POLD3: variants seen among roughly 807,000 people sequenced by gnomAD.
The protein encoded by POLD3 is DNA polymerase delta 3, accessory subunit, also known as DNA polymerase delta subunit 3.
A neutral mutation model predicts 58.2 loss-of-function variants in POLD3; 19 were observed. That is an observed-to-expected ratio of 0.33 (90% CI 0.23 to 0.48). POLD3 has a LOEUF of 0.48. Among genes scored for constraint, POLD3 ranks in the 20% least tolerant of loss-of-function variants. The pLI, the probability that POLD3 is intolerant of heterozygous loss-of-function variation, is 0.99. For synonymous variants in POLD3, 172 were observed against 193.5 expected, an observed-to-expected ratio of 0.89 and a Z score of 0.92; for missense variants, 504 against 545.5, an observed-to-expected ratio of 0.92 and a Z score of 0.76.
intron 2 of POLD3, among the ~76,000 whole-genome samples, chr11:74,597,550 T>A (rs1171732059): frequency 6.6e-6 from 1 of 152,214 alleles, no homozygotes; most frequent in Non-Finnish European, 1.5e-5. Flanking sequence ...AACTTCAGCC[T>A]CCCAGGCTCA....
chr11:74,603,800 T>C (rs1049737296), intron 2 of POLD3, among the ~76,000 whole-genome samples: 2 of 152,188 alleles, frequency 1.3e-5, no homozygotes, highest in African/African-American at 4.8e-5. Flanking sequence ...TTTAAATTTC[T>C]AGCTATGCTT....
intron 7 of POLD3, among the ~76,000 whole-genome samples, chr11:74,623,531 G>C (rs143907584): frequency 9.7e-4 from 148 of 152,206 alleles, no homozygotes; most frequent in African/African-American, 3.5e-3. Context: ...TTCTTTCTGG[G>C]GTGATGAAAA....
At chr11:74,634,505 T>A in intron 9 of POLD3, 78 bp from the exon 10 acceptor site, 1 of 805,554 alleles carries the variant, frequency 1.2e-6, no homozygotes, top group South Asian at 1.4e-5. Flanking sequence ...GACATGTCAA[T>A]TTAGAGAACC....
chr11:74,600,028 C>A (rs1259346002), intron 2 of POLD3, among the ~76,000 whole-genome samples: 1 of 151,652 alleles, frequency 6.6e-6, no homozygotes, highest in South Asian at 2.1e-4. Flanking sequence ...TCACTGCAAC[C>A]TCCGCCTTTA....
intron 4 of POLD3, among the ~76,000 whole-genome samples, chr11:74,656,826 G>C (rs2033142495): frequency 6.6e-6 from 1 of 151,700 alleles, no homozygotes; most frequent in African/African-American, 2.4e-5. Flanking sequence ...CATGTGCTGA[G>C]GAGAAGAATA....
chr11:74,612,708 AT>A (rs1440514914), intron 4 of POLD3, among the ~76,000 whole-genome samples, 169 bp from the exon 5 acceptor site: 1 of 152,218 alleles, frequency 6.6e-6, no homozygotes, highest in East Asian at 1.9e-4. Flanking sequence ...TAATGTCCCC[AT>A]TGCAGACAGA....
chr11:74,603,808 CT>C (rs2031584965), intron 2 of POLD3, among the ~76,000 whole-genome samples: 1 of 152,064 alleles, frequency 6.6e-6, no homozygotes, highest in African/African-American at 2.4e-5. Flanking sequence ...TCTAGCTATG[CT>C]TGGCAGAAGT....
At position 74,629,340 on chromosome 11, in the gene POLD3, A is replaced by G. The variant is rs375368379; in HGVS notation, c.1006+17A>G. On this transcript the variant is annotated intron_variant, in intron 9 of 11. Coordinates refer to ENST00000263681, the MANE Select transcript of POLD3 (RefSeq NM_006591.3). Reference sequence around the variant, plus strand: ...AAGATGAAGGTGGGCATTACCATTCATTTTGGGTTAGGGGGATCAATTTTA... The same window carrying G: ...AAGATGAAGGTGGGCATTACCATTCGTTTTGGGTTAGGGGGATCAATTTTA... 5.1e-4 allele frequency: 743 copies of G among 1,454,828 alleles called. 3 individuals carry two copies. Among genetic ancestry groups the G allele is most frequent in the Non-Finnish European group, 6.3e-4 (657 of 1,044,464 alleles). 90.1% of individuals were successfully genotyped at this position (1,454,828 alleles called of 1,614,324 possible).
At chr11:74,648,986 G>C (rs913201220) in intron 4 of POLD3, among the ~76,000 whole-genome samples, 4 of 152,150 alleles carry the variant, frequency 2.6e-5, no homozygotes, top group Non-Finnish European at 5.9e-5. Flanking sequence ...AATGTGGAAT[G>C]ATTAGCCTTT....
At chr11:74,634,125 A>G (rs2135174474) in intron 9 of POLD3, among the ~76,000 whole-genome samples, 1 of 152,284 alleles carries the variant, frequency 6.6e-6, no homozygotes, top group Middle Eastern at 3.4e-3. Flanking sequence ...AAGGCTGTAG[A>G]ATTGGATTGA....
At chr11:74,621,871 T>TTATTTTA (rs1554976263) in intron 7 of POLD3, among the ~76,000 whole-genome samples, 1 of 150,452 alleles carries the variant, frequency 6.6e-6, no homozygotes, top group Non-Finnish European at 1.5e-5. Context: ...ATTTATTTAT[T>TTATTTTA]TTATTATTAT....
At chr11:74,656,395 T>G (rs1002842649) in intron 4 of POLD3, among the ~76,000 whole-genome samples, 4 of 152,304 alleles carry the variant, frequency 2.6e-5, no homozygotes, top group Non-Finnish European at 1.5e-5. Context: ...GAGACCAGCC[T>G]GACCAAAATG....
At chr11:74,653,348 A>T (rs2033092359) in intron 4 of POLD3, among the ~76,000 whole-genome samples, 1 of 41,122 alleles carries the variant, frequency 2.4e-5, no homozygotes, top group Admixed American at 2.5e-4. Context: ...GTGGTCCATA[A>T]CATAAGTAGA....
intron 7 of POLD3, 76 bp downstream of exon 7, chr11:74,620,165 C>A: frequency 8.8e-7 from 1 of 1,136,978 alleles, no homozygotes; most frequent in Non-Finnish European, 1.3e-6. Flanking sequence ...AAGTGAAAGC[C>A]ACTTTGTCTA....
At chr11:74,652,816 C>A in intron 4 of POLD3, 1 of 168,258 alleles carries the variant, frequency 5.9e-6, no homozygotes, top group South Asian at 1.6e-4. Context: ...CCATGCTTGC[C>A]CTTGCCCCAC....
rs985641913 is a variant in POLD3 at position 74,642,076 on chromosome 11, G to A, written c.*1310G>A. 1 of 985,252 alleles carries A rather than the reference G, an allele frequency of 1.0e-6. No homozygotes were observed. Among genetic ancestry groups the A allele is most frequent in the Non-Finnish European group, 1.2e-6 (1 of 829,920 alleles). 61.0% of individuals were successfully genotyped at this position (985,252 alleles called of 1,614,324 possible). A position where few individuals can be genotyped will look rare whatever the true frequency, so the allele number is the denominator to read the frequency against. On this transcript the variant is annotated 3_prime_UTR_variant, in exon 12 of 12. Coordinates refer to ENST00000263681, the MANE Select transcript of POLD3 (RefSeq NM_006591.3). ...TGTGTCTCACACGTAGCAGACAAGGGGTGTCTGACTGGCTTCTTTTGCCTC... is the reference window on the plus strand; with the variant it reads ...TGTGTCTCACACGTAGCAGACAAGGAGTGTCTGACTGGCTTCTTTTGCCTC...
chr11:74,645,148 T>C (rs2032983515), downstream of POLD3, among the ~76,000 whole-genome samples: 1 of 152,214 alleles, frequency 6.6e-6, no homozygotes, highest in Admixed American at 6.5e-5. Context: ...ATTAGGATAA[T>C]CATTATGGGC....
intron 4 of POLD3, among the ~76,000 whole-genome samples, chr11:74,649,883 A>G (rs1040343275): frequency 6.6e-6 from 1 of 152,136 alleles, no homozygotes; most frequent in East Asian, 1.9e-4. Context: ...CATTTTGGAA[A>G]GTACTCTGGC....
intron 9 of POLD3, 46 bp downstream of exon 9, chr11:74,629,369 T>G: frequency 9.2e-7 from 1 of 1,088,246 alleles, no homozygotes; most frequent in Non-Finnish European, 1.4e-6. Flanking sequence ...AATTTTACTT[T>G]CAATGTTCAA....
Sources: gnomAD v4.1 joint callset for allele counts (sites outside exome capture counted in the v4.1 genomes callset) on GRCh38, gnomAD v4.1.1 for gene constraint, MANE v1.5 for transcripts, NCBI Gene and HGNC (gene_info 2026-07-23, HGNC 2026-07-21) for gene names.